Variants in TMEFF2 observed in about 807,000 individuals in gnomAD.
The protein encoded by TMEFF2 is tomoregulin-2.
TMEFF2 carries 28 observed loss-of-function variants against 53.8 expected under a neutral mutation model. The observed-to-expected ratio is 0.52, with a 90% CI of 0.39 to 0.71. The LOEUF is 0.71. Among genes scored for constraint, TMEFF2 ranks in the 30% least tolerant of loss-of-function variants. TMEFF2 has a pLI of 0.00. For missense variants in TMEFF2, 353 were observed against 455.2 expected, an observed-to-expected ratio of 0.78 and a Z score of 2.04; for synonymous variants, 162 against 166.3, an observed-to-expected ratio of 0.97 and a Z score of 0.20.
chr2:191,997,655 C>G (rs1224111970), intron 7 of TMEFF2, among the ~76,000 whole-genome samples: 1 of 151,382 alleles, frequency 6.6e-6, no homozygotes, highest in African/African-American at 2.4e-5. Flanking sequence ...GTTAGATTAG[C>G]TAGAGACATT....
chr2:192,136,987 G>A (rs1404006444), intron 4 of TMEFF2, among the ~76,000 whole-genome samples: 3 of 152,194 alleles, frequency 2.0e-5, no homozygotes, highest in African/African-American at 7.2e-5. Flanking sequence ...AGGGGGAAAA[G>A]GAAAGAGAAG....
chr2:192,102,619 TCTTG>T (rs796834171), intron 4 of TMEFF2, among the ~76,000 whole-genome samples: 2 of 132,408 alleles, frequency 1.5e-5, no homozygotes, highest in South Asian at 2.4e-4. Context: ...TTCTTTCTTT[TCTTG>T]TTCTTTTTTT....
chr2:192,049,092 G>A (rs1687698064), intron 5 of TMEFF2, among the ~76,000 whole-genome samples: 1 of 151,956 alleles, frequency 6.6e-6, no homozygotes, highest in Non-Finnish European at 1.5e-5. Context: ...TAAAGTCTTT[G>A]TTTTCCCATT....
chr2:192,006,807 CA>C lies in TMEFF2; in HGVS notation c.537-7600del, dbSNP rs530167014. ...GACTGGGTTGCAACTCAGAGATTCT[CA>C]TTTAGGAGGTCTGGTGTGAGGCCTA... On this transcript the variant is annotated intron_variant, in intron 5 of 9. Coordinates refer to ENST00000272771, the MANE Select transcript of TMEFF2 (RefSeq NM_016192.4). Among the ~76,000 whole-genome samples, 12 of 152,266 alleles carry C rather than the reference CA, an allele frequency of 7.9e-5. No individual in the cohort carries two copies. The East Asian group carries it at 2.3e-3, about 29-fold the overall frequency.
intron 4 of TMEFF2, among the ~76,000 whole-genome samples, chr2:192,121,087 AGAGAAGAG>A (rs1689541236): frequency 6.6e-6 from 1 of 150,748 alleles, no homozygotes; most frequent in South Asian, 2.1e-4. Context: ...ACTAAGTATC[AGAGAAGAG>A]GAAAAACAAA....
At chr2:192,173,625 C>T (rs1307522940) in intron 4 of TMEFF2, among the ~76,000 whole-genome samples, 2 of 151,784 alleles carry the variant, frequency 1.3e-5, no homozygotes, top group African/African-American at 4.8e-5. Flanking sequence ...TAATTATGTA[C>T]TGTTTTGAAA....
chr2:192,184,274 G>A, intron 3 of TMEFF2, 80 bp downstream of exon 3: 1 of 1,519,052 alleles, frequency 6.6e-7, no homozygotes. Context: ...ATTATTTATT[G>A]GGAGATAACA....
chr2:192,082,397 T>C (rs1470939553), intron 4 of TMEFF2, among the ~76,000 whole-genome samples: 1 of 152,180 alleles, frequency 6.6e-6, no homozygotes, highest in East Asian at 1.9e-4. Context: ...AGAGTTAGCA[T>C]GCTAAATATT....
Position 191,949,800 on chromosome 2 carries a change from T to G in TMEFF2, c.*511A>C. 1 of 985,296 alleles carries G rather than the reference T, an allele frequency of 1.0e-6. No individual in the cohort carries two copies. Among genetic ancestry groups the G allele is most frequent in the Non-Finnish European group, 1.2e-6 (1 of 829,792 alleles). The allele number at this position is 985,296 out of a possible 1,614,324, so 61.0% of individuals were successfully genotyped here. A position where few individuals can be genotyped will look rare whatever the true frequency, so the allele number is the denominator to read the frequency against. On this transcript the variant is annotated 3_prime_UTR_variant, in exon 10 of 10. Coordinates refer to ENST00000272771, the MANE Select transcript of TMEFF2 (RefSeq NM_016192.4). ...AGATGATTCAAAGATCGGAAATATT[T>G]TATCCTCACTCGATATAAAGTAAAT...
chr2:192,028,478 T>TTGTG (rs60188276), intron 5 of TMEFF2: 5 of 150,098 alleles, frequency 3.3e-5, no homozygotes, highest in African/African-American at 9.8e-5. Flanking sequence ...TCATACTGTT[T>TTGTG]TGTGTGTGTG....
chr2:192,179,619 A>C, intron 4 of TMEFF2, 49 bp downstream of exon 4: 1 of 1,528,818 alleles, frequency 6.5e-7, no homozygotes, highest in Non-Finnish European at 8.9e-7. Context: ...AAATATACAT[A>C]ATAATATCCA....
intron 4 of TMEFF2, among the ~76,000 whole-genome samples, chr2:192,129,994 T>A (rs1197623387): frequency 6.6e-6 from 1 of 152,212 alleles, no homozygotes; most frequent in African/African-American, 2.4e-5. Flanking sequence ...TCCCTAAATA[T>A]AAAACAAATA....
intron 4 of TMEFF2, among the ~76,000 whole-genome samples, chr2:192,102,859 C>A (rs960227832): frequency 7.9e-5 from 12 of 151,978 alleles, no homozygotes; most frequent in Non-Finnish European, 8.8e-5. Flanking sequence ...GCGTGAGCCA[C>A]CACTCCTGGC....
intron 4 of TMEFF2, among the ~76,000 whole-genome samples, chr2:192,164,603 C>T (rs1442678955): frequency 6.6e-6 from 1 of 152,034 alleles, no homozygotes; most frequent in Admixed American, 6.6e-5. Flanking sequence ...TGGTATGTGC[C>T]TGCAATCCCA....
intron 4 of TMEFF2, among the ~76,000 whole-genome samples, chr2:192,064,536 TACC>T (rs1383157557): frequency 6.6e-6 from 1 of 151,880 alleles, no homozygotes; most frequent in Non-Finnish European, 1.5e-5. Flanking sequence ...TTATCTATAG[TACC>T]ACATTCTCCA....
intron 4 of TMEFF2, among the ~76,000 whole-genome samples, chr2:192,122,292 T>C (rs1052991704): frequency 6.6e-6 from 1 of 152,154 alleles, no homozygotes; most frequent in African/African-American, 2.4e-5. Context: ...AAAAGGTACT[T>C]AGTAACAGGA....
chr2:192,031,725 G>A (rs1051343669), intron 5 of TMEFF2: 1 of 152,140 alleles, frequency 6.6e-6, no homozygotes. Flanking sequence ...ACACCAAAAT[G>A]AGCCCTTGTG....
intron 5 of TMEFF2, among the ~76,000 whole-genome samples, chr2:192,023,638 G>T (rs150031850): frequency 3.3e-3 from 497 of 152,136 alleles, no homozygotes; most frequent in African/African-American, 0.011. Flanking sequence ...AGTTTTATTG[G>T]CTTTGCACTT....
intron 2 of TMEFF2, among the ~76,000 whole-genome samples, chr2:192,187,593 C>T (rs540183597): frequency 1.3e-5 from 2 of 152,262 alleles, no homozygotes; most frequent in South Asian, 4.1e-4. Flanking sequence ...CTGCTAAAGA[C>T]CACACAGTTG....
Sources: allele counts gnomAD v4.1 joint callset (sites outside exome capture counted in the v4.1 genomes callset), GRCh38; gene constraint gnomAD v4.1.1; transcripts MANE v1.5; gene names NCBI Gene and HGNC (gene_info 2026-07-23, HGNC 2026-07-21).